LINGO2: variants seen among roughly 807,000 people sequenced by gnomAD.
LINGO2 encodes leucine rich repeat and Ig domain containing 2, also known as leucine-rich repeat and immunoglobulin-like domain-containing nogo receptor-interacting protein 2.
In LINGO2, 14 loss-of-function variants were observed where a neutral mutation model predicts 30.6. The ratio of observed to expected loss-of-function variants is 0.46; its 90% CI spans 0.30 to 0.72. The LOEUF (loss-of-function observed/expected upper bound fraction) is 0.72. Among genes scored for constraint, LINGO2 ranks in the 30% least tolerant of loss-of-function variants. The pLI is 0.07. For synonymous variants in LINGO2, 317 were observed against 288.5 expected, an observed-to-expected ratio of 1.10 and a Z score of -1.00; for missense variants, 729 against 751.7, an observed-to-expected ratio of 0.97 and a Z score of 0.35.
the LINGO2 span, among the ~76,000 whole-genome samples, chr9:29,173,688 A>C: frequency 6.6e-6 from 1 of 152,146 alleles, no homozygotes; most frequent in Non-Finnish European, 1.5e-5. Context: ...TTTTAAAAAG[A>C]AATTAAGTGT....
At chr9:28,763,948 T>C in the LINGO2 span, among the ~76,000 whole-genome samples, 10,794 of 151,574 alleles carry the variant, frequency 0.071, 1,363 homozygotes, top group African/African-American at 0.24. Flanking sequence ...CCTAGAAACA[T>C]AACCTGCTGA....
At chr9:28,588,928 G>A (rs988881067) in intron 1 of LINGO2, among the ~76,000 whole-genome samples, 1 of 152,038 alleles carries the variant, frequency 6.6e-6, no homozygotes, top group African/African-American at 2.4e-5. Flanking sequence ...TAGATGTCAT[G>A]CCAGTGCTTC....
chr9:28,896,381 T>A, the LINGO2 span, among the ~76,000 whole-genome samples: 4 of 152,248 alleles, frequency 2.6e-5, no homozygotes, highest in Admixed American at 1.3e-4. Context: ...CTGTATTAAA[T>A]TAGAATATTT....
chr9:28,396,352 T>A (rs915832653), intron 2 of LINGO2, among the ~76,000 whole-genome samples: 1 of 152,126 alleles, frequency 6.6e-6, no homozygotes, highest in Middle Eastern at 3.2e-3. Context: ...ATTATTTTAT[T>A]TACTATTTTA....
chr9:29,101,095 C>T, the LINGO2 span, among the ~76,000 whole-genome samples: 2 of 152,150 alleles, frequency 1.3e-5, no homozygotes, highest in Non-Finnish European at 2.9e-5. Context: ...TCTTGTAACA[C>T]TCTCTTTATG....
At chr9:28,099,018 G>A (rs1289884307) in intron 4 of LINGO2, among the ~76,000 whole-genome samples, 1 of 152,098 alleles carries the variant, frequency 6.6e-6, no homozygotes, top group Non-Finnish European at 1.5e-5. Flanking sequence ...AAACCCATAG[G>A]AACTTCAGGT....
the LINGO2 span, among the ~76,000 whole-genome samples, chr9:28,863,037 T>G: frequency 6.6e-6 from 1 of 151,990 alleles, no homozygotes; most frequent in Non-Finnish European, 1.5e-5. Flanking sequence ...TCCAGAAGAG[T>G]AAATGAAAAT....
the LINGO2 span, among the ~76,000 whole-genome samples, chr9:28,898,122 G>A: frequency 6.6e-6 from 1 of 152,014 alleles, no homozygotes; most frequent in African/African-American, 2.4e-5. Context: ...CTACTCTGAA[G>A]GTGACTAATA....
chr9:28,421,387 C>T (rs879309537), intron 2 of LINGO2, among the ~76,000 whole-genome samples: 10 of 144,126 alleles, frequency 6.9e-5, no homozygotes, highest in Non-Finnish European at 1.2e-4. Context: ...TAATGCAATA[C>T]CTATAAAAAA....
intron 2 of LINGO2, among the ~76,000 whole-genome samples, chr9:28,470,742 A>G (rs1184560322): frequency 6.6e-6 from 1 of 152,122 alleles, no homozygotes; most frequent in East Asian, 1.9e-4. Context: ...TTGATAGATT[A>G]TAATGTATTA....
chr9:28,121,652 A>G (rs1187201651), intron 4 of LINGO2, among the ~76,000 whole-genome samples: 1 of 152,192 alleles, frequency 6.6e-6, no homozygotes, highest in Admixed American at 6.5e-5. Flanking sequence ...ACAGTCTAAA[A>G]TGTGTCCCTT....
the LINGO2 span, among the ~76,000 whole-genome samples, chr9:28,952,368 A>T: frequency 6.6e-6 from 1 of 152,116 alleles, no homozygotes; most frequent in East Asian, 1.9e-4. Context: ...TCATCTATAA[A>T]TGGATCTAAT....
chr9:27,939,652 G>A, the LINGO2 span: 1 of 152,220 alleles, frequency 6.6e-6, no homozygotes, highest in African/African-American at 2.4e-5. Flanking sequence ...TTGAAGAAGT[G>A]TTTAACTTTT....
At chr9:28,602,226 A>G (rs1825515231) in intron 1 of LINGO2, among the ~76,000 whole-genome samples, 1 of 152,066 alleles carries the variant, frequency 6.6e-6, no homozygotes, top group South Asian at 2.1e-4. Context: ...GTGTTCCTTT[A>G]TTAGTCATTC....
At chr9:29,122,032 G>A in the LINGO2 span, among the ~76,000 whole-genome samples, 2 of 152,062 alleles carry the variant, frequency 1.3e-5, no homozygotes, top group African/African-American at 2.4e-5. Context: ...AGAAACTCAT[G>A]ATAGAGGAGG....
chr9:28,645,231 CA>C (rs1827787431), intron 1 of LINGO2, among the ~76,000 whole-genome samples: 1 of 152,028 alleles, frequency 6.6e-6, no homozygotes, highest in Admixed American at 6.6e-5. Flanking sequence ...GTTATAGTCA[CA>C]GCAGTAAGAA....
chr9:28,338,731 C>T (rs1030839916), intron 3 of LINGO2, among the ~76,000 whole-genome samples: 3 of 152,042 alleles, frequency 2.0e-5, no homozygotes, highest in African/African-American at 4.8e-5. Flanking sequence ...TTCTTCTTTT[C>T]TCTGCTGCCC....
At chr9:28,305,207 G>C (rs954460645) in intron 3 of LINGO2, among the ~76,000 whole-genome samples, 1 of 151,812 alleles carries the variant, frequency 6.6e-6, no homozygotes, top group Non-Finnish European at 1.5e-5. Context: ...AAACAAACTG[G>C]GACTAGAAAG....
intron 4 of LINGO2, among the ~76,000 whole-genome samples, chr9:28,035,515 C>A (rs561010265): frequency 1.3e-5 from 2 of 152,088 alleles, no homozygotes; most frequent in Admixed American, 6.5e-5. Context: ...ATGAAATAGT[C>A]GAATTTTTGG....
Sources: gnomAD v4.1 joint callset for allele counts (sites outside exome capture counted in the v4.1 genomes callset) on GRCh38, gnomAD v4.1.1 for gene constraint, MANE v1.5 for transcripts, NCBI Gene and HGNC (gene_info 2026-07-23, HGNC 2026-07-21) for gene names.